The following PCCA variants were observed in gnomAD, a reference collection of about 807,000 sequenced individuals.
PCCA encodes propionyl-CoA carboxylase subunit alpha.
In PCCA, 74 loss-of-function variants were observed where a neutral mutation model predicts 101.3. That is an observed-to-expected ratio of 0.73 (90% confidence interval 0.61 to 0.89). PCCA has a LOEUF of 0.89. Among genes scored for constraint, PCCA ranks in the 40% least tolerant of loss-of-function variants. The probability of loss-of-function intolerance (pLI) is 0.00; values close to 1 mark genes in which losing one functional copy is unlikely to be tolerated. For missense variants in PCCA, 891 were observed against 907.0 expected (o/e 0.98, Z 0.23); for synonymous variants, 294 against 313.6 (o/e 0.94, Z 0.66).
chr13:100,446,112 A>G (rs1323027056), intron 20 of PCCA, among the ~76,000 whole-genome samples: 3 of 152,004 alleles, frequency 2.0e-5, no homozygotes, highest in Non-Finnish European at 4.4e-5. Context: ...CAGTCGGCTC[A>G]CTGCAACCTC....
chr13:100,121,081 T>C (rs1429328067), intron 4 of PCCA, among the ~76,000 whole-genome samples: 1 of 151,984 alleles, frequency 6.6e-6, no homozygotes, highest in Non-Finnish European at 1.5e-5. Context: ...GATTTTCATA[T>C]AATGATTTTG....
chr13:100,132,764 C>A (rs1230184611), intron 4 of PCCA, among the ~76,000 whole-genome samples: 2 of 152,006 alleles, frequency 1.3e-5, no homozygotes, highest in African/African-American at 2.4e-5. Flanking sequence ...TCATCCACTT[C>A]AGCAGTCTTG....
chr13:100,502,832 C>T (rs924012238), intron 21 of PCCA, among the ~76,000 whole-genome samples: 1 of 152,070 alleles, frequency 6.6e-6, no homozygotes, highest in Admixed American at 6.5e-5. Context: ...TAACAAGTCA[C>T]GCTGTTGGGG....
Position 100,209,325 on chromosome 13 carries a change from T to TC in PCCA, c.469-5dup, listed in dbSNP as rs2059063183. ...TGTTATAAATTTTGACTTGTTTTTC[T>TC]CCACAGGCAGCAGAAGATGTCGTTT... On this transcript the variant is annotated splice_polypyrimidine_tract_variant and splice_region_variant and intron_variant, in intron 6 of 23. Coordinates refer to ENST00000376285, the MANE Select transcript of PCCA (RefSeq NM_000282.4). 3 of 1,613,372 alleles carry TC rather than the reference T, an allele frequency of 1.9e-6. No individual in the cohort carries two copies. The highest frequency in any genetic ancestry group is 2.5e-6 in the Non-Finnish European group (3 of 1,179,348).
In PCCA at chr13:100,530,400, CA is replaced by C; in HGVS notation, c.*238del. On this transcript the variant is annotated 3_prime_UTR_variant, in exon 24 of 24. Transcript: ENST00000376285. ...CTTCTGCTGTGAGATTCCCTAGTGT[CA>C]AAATTAAATCAATAAAACTGAGCAT... is the stretch of plus-strand genomic sequence containing the variant. 1.7e-6 allele frequency: 1 copy of C among 596,282 alleles called. No individual in the cohort carries two copies. The highest frequency in any genetic ancestry group is 2.0e-5 in the South Asian group (1 of 50,458). The allele number at this position is 596,282 out of a possible 1,614,324, so 36.9% of individuals were successfully genotyped here.
rs73570955 is a variant in PCCA at position 100,152,174 on chromosome 13, A to C, written c.301-2805A>C. Among the ~76,000 whole-genome samples the C allele has an allele frequency of 2.7e-3, 417 of 152,248 alleles. 3 individuals are homozygous for C. Among genetic ancestry groups the C allele is most frequent in the African/African-American group, 9.8e-3 (408 of 41,520 alleles). ...TTTGCTACTAGTGACCCTGGGCTAGACTGTGGGCTTGTTGAGATGTGAATG... is the reference window on the plus strand; with the variant it reads ...TTTGCTACTAGTGACCCTGGGCTAGCCTGTGGGCTTGTTGAGATGTGAATG... On this transcript the variant is annotated intron_variant, in intron 4 of 23. Transcript: ENST00000376285.
intron 6 of PCCA, among the ~76,000 whole-genome samples, chr13:100,180,559 T>TAGAG (rs2056700874): frequency 1.3e-5 from 2 of 152,146 alleles, no homozygotes; most frequent in South Asian, 2.1e-4. Flanking sequence ...TAAGAACAGT[T>TAGAG]AGAGTTAGGG....
rs559400160 is a variant in PCCA at position 100,454,879 on chromosome 13, A to G, written c.1899+5574A>G. 7.9e-5 allele frequency among the ~76,000 whole-genome samples: 12 copies of G among 152,320 alleles called. No homozygotes were observed. In the South Asian group the frequency reaches 2.1e-3, roughly 26 times the overall value. ...TTTCATTTTCAGTAAAACAAATCTC[A>G]TTACTTTAAAAAAAATGCTTGTATT... On this transcript the variant is annotated intron_variant, in intron 21 of 23. Transcript: ENST00000376285.
At chr13:100,357,156 A>T (rs1038470015) in intron 18 of PCCA, among the ~76,000 whole-genome samples, 1 of 152,232 alleles carries the variant, frequency 6.6e-6, no homozygotes, top group Admixed American at 6.5e-5. Context: ...ACTAAAAACC[A>T]TTAACTTGTA....
chr13:100,368,539 A>G lies in PCCA; in HGVS notation c.1711A>G (p.Thr571Ala), dbSNP rs754685355. Residue 571 changes from threonine to alanine, a missense_variant, in exon 19 of 24, where the codon ACC becomes GCC. Thr to Ala is a moderately conservative substitution (Grantham distance 58). Coordinates refer to ENST00000376285, the MANE Select transcript of PCCA (RefSeq NM_000282.4). ...LSVKLHDKVH[T>A]VVASNNGSVF... Reference sequence around the variant, plus strand: ...AGTAAAATTGCATGATAAAGTTCATACCGTAGTAGCATCAAACAATGGGTC... The same window carrying G: ...AGTAAAATTGCATGATAAAGTTCATGCCGTAGTAGCATCAAACAATGGGTC... 6.2e-7 allele frequency: 1 copy of G among 1,610,504 alleles called. No individual in the cohort carries two copies. The highest frequency in any genetic ancestry group is 8.5e-7 in the Non-Finnish European group (1 of 1,177,488).
At chr13:100,446,768 G>A (rs2080862942) in intron 20 of PCCA, among the ~76,000 whole-genome samples, 1 of 152,198 alleles carries the variant, frequency 6.6e-6, no homozygotes, top group Non-Finnish European at 1.5e-5. Context: ...AAGTGAAAAC[G>A]AGAGTCAACT....
At chr13:100,509,143 TC>T (rs2086289192) in intron 21 of PCCA, among the ~76,000 whole-genome samples, 1 of 146,860 alleles carries the variant, frequency 6.8e-6, no homozygotes, top group Non-Finnish European at 1.5e-5. Context: ...TGTTCATATT[TC>T]ACAACGCTGA....
chr13:100,519,807 G>T (rs2087099031), intron 22 of PCCA, among the ~76,000 whole-genome samples: 1 of 152,244 alleles, frequency 6.6e-6, no homozygotes. Context: ...AGGCAGGGCT[G>T]GGCCCTCCCG....
intron 8 of PCCA, among the ~76,000 whole-genome samples, chr13:100,256,247 C>G (rs1487719154): frequency 6.6e-6 from 1 of 152,066 alleles, no homozygotes; most frequent in Non-Finnish European, 1.5e-5. Flanking sequence ...CCTCGTAATT[C>G]GCCCACCTCA....
At chr13:100,147,994 G>T (rs1227570900) in intron 4 of PCCA, among the ~76,000 whole-genome samples, 2 of 152,024 alleles carry the variant, frequency 1.3e-5, no homozygotes, top group African/African-American at 4.8e-5. Flanking sequence ...TGTTGCCCAG[G>T]TTGGACTCGA....
At chr13:100,305,510 A>T (rs1211929043) in intron 14 of PCCA, among the ~76,000 whole-genome samples, 1 of 152,204 alleles carries the variant, frequency 6.6e-6, no homozygotes, top group Non-Finnish European at 1.5e-5. Context: ...AAGTTTTAGA[A>T]CTTGTATCAG....
At chr13:100,301,431 C>T (rs766577002) in intron 12 of PCCA, 29 bp from the exon 13 acceptor site, 2 of 1,613,158 alleles carry the variant, frequency 1.2e-6, no homozygotes, top group East Asian at 2.2e-5. Flanking sequence ...TTTTCTACAC[C>T]TACTGACTGG....
intron 17 of PCCA, among the ~76,000 whole-genome samples, chr13:100,336,869 T>C (rs2070547361): frequency 6.6e-6 from 1 of 152,186 alleles, no homozygotes; most frequent in Non-Finnish European, 1.5e-5. Context: ...CATCTAGACC[T>C]GTAACAAGTA....
chr13:100,496,087 A>T (rs1241091799), intron 21 of PCCA, among the ~76,000 whole-genome samples: 2 of 152,228 alleles, frequency 1.3e-5, no homozygotes, highest in Non-Finnish European at 2.9e-5. Context: ...GACACAGGAC[A>T]ACATTCCCTT....
Sources: gnomAD v4.1 joint callset for allele counts (sites outside exome capture counted in the v4.1 genomes callset) on GRCh38, gnomAD v4.1.1 for gene constraint, MANE v1.5 for transcripts, NCBI Gene and HGNC (gene_info 2026-07-23, HGNC 2026-07-21) for gene names.